Variants in ECE1 observed in about 807,000 individuals in gnomAD.
ECE1 encodes endothelin converting enzyme 1.
In ECE1, 35 loss-of-function variants were observed where a neutral mutation model predicts 98.6. The ratio of observed to expected loss-of-function variants is 0.35; its 90% CI spans 0.27 to 0.47. The LOEUF (loss-of-function observed/expected upper bound fraction) is 0.47. ECE1 is among the 20% of genes least tolerant of loss of function. The pLI is 1.00. For synonymous variants in ECE1, 394 were observed against 407.1 expected (o/e 0.97, Z 0.39); for missense variants, 814 against 1,025.3 (o/e 0.79, Z 2.81).
At chr1:21,274,809 T>C (rs2103328017) in intron 3 of ECE1, among the ~76,000 whole-genome samples, 1 of 152,302 alleles carries the variant, frequency 6.6e-6, no homozygotes, top group South Asian at 2.1e-4. Context: ...TTAAAAATTA[T>C]TGTTCACAGC....
chr1:21,326,630 G>T (rs61684599), intron 1 of ECE1, among the ~76,000 whole-genome samples: 2,893 of 152,196 alleles, frequency 0.019, 36 homozygotes, highest in Middle Eastern at 0.12. Flanking sequence ...GTTTCAGGAG[G>T]GGGATGGTTT....
In ECE1 at chr1:21,235,544, T is replaced by A. The variant is rs1055624347; in HGVS notation, c.1566+306A>T. Among the ~76,000 whole-genome samples, 16 of 152,270 alleles carry A rather than the reference T, an allele frequency of 1.1e-4. No individual in the cohort carries two copies. The East Asian group carries it at 2.9e-3, about 28-fold the overall frequency. ...TTCTGGGGTCTGTTTCCTCCATTATTTCCCACATATTAAATGGAGCTGACC... is the reference window on the plus strand; with the variant it reads ...TTCTGGGGTCTGTTTCCTCCATTATATCCCACATATTAAATGGAGCTGACC... On this transcript the variant is annotated intron_variant, in intron 13 of 18. Transcript: ENST00000374893. The surrounding 1 kb of genome is among the most constrained non-coding windows in gnomAD (Gnocchi z 4.2).
chr1:21,225,105 C>T lies in ECE1; in HGVS notation c.2040+145G>A, dbSNP rs915330411. The T allele has an allele frequency of 6.3e-6, 7 of 1,107,616 alleles. No individual in the cohort carries two copies. The highest frequency in any genetic ancestry group is 4.6e-5 in the African/African-American group (3 of 64,910). The allele number at this position is 1,107,616 out of a possible 1,614,324, so 68.6% of individuals were successfully genotyped here. On this transcript the variant is annotated intron_variant, in intron 17 of 18. Transcript: ENST00000374893. This position sits in a 1 kb window ranked among gnomAD's most constrained non-coding sequence, Gnocchi z 5.3. ...CACGGTCGGCATCGCGATTGGTCCT[C>T]GCCACCCCCAATTTCGCAGAAGAGG... is the stretch of plus-strand genomic sequence containing the variant.
intron 2 of ECE1, 185 bp from the exon 3 acceptor site, chr1:21,279,517 C>G (rs922202358): frequency 6.8e-7 from 1 of 1,460,272 alleles, no homozygotes; most frequent in Non-Finnish European, 9.1e-7. Context: ...CCCTGCTCAG[C>G]TGCTCGGATC....
intron 1 of ECE1, among the ~76,000 whole-genome samples, chr1:21,337,835 G>A (rs1188275761): frequency 6.6e-6 from 1 of 152,134 alleles, no homozygotes; most frequent in Non-Finnish European, 1.5e-5. Flanking sequence ...GTTTGAACCT[G>A]GGCCCATCAG....
chr1:21,335,826 G>A (rs1639296166), intron 1 of ECE1, among the ~76,000 whole-genome samples: 1 of 152,210 alleles, frequency 6.6e-6, no homozygotes, highest in Non-Finnish European at 1.5e-5. Flanking sequence ...GAGCTGGGAA[G>A]CTTCGACCCA....
intron 4 of ECE1, among the ~76,000 whole-genome samples, chr1:21,264,652 C>A (rs1332490007): frequency 1.3e-5 from 2 of 152,216 alleles, no homozygotes; most frequent in Non-Finnish European, 2.9e-5. Context: ...CTATATCACG[C>A]ATCCCCAACA....
chr1:21,243,028 T>C (rs1156432050), intron 10 of ECE1, among the ~76,000 whole-genome samples: 2 of 152,194 alleles, frequency 1.3e-5, no homozygotes, highest in Non-Finnish European at 2.9e-5. Context: ...TATCAGCCCT[T>C]GGCAACCACA....
Position 21,219,717 on chromosome 1 carries a change from G to C in ECE1, c.*238C>G. 1.7e-6 allele frequency: 1 copy of C among 572,706 alleles called. No individual in the cohort carries two copies. The highest frequency in any genetic ancestry group is 3.1e-6 in the Non-Finnish European group (1 of 318,330). 35.5% of individuals were successfully genotyped at this position (572,706 alleles called of 1,614,324 possible). ...CTGATGAGCCACCAGCCCAGCACCCGAATGCCTGCTGAAGGTGGCGCACAC... is the reference window on the plus strand; with the variant it reads ...CTGATGAGCCACCAGCCCAGCACCCCAATGCCTGCTGAAGGTGGCGCACAC... On this transcript the variant is annotated 3_prime_UTR_variant, in exon 19 of 19. Coordinates refer to ENST00000374893, the MANE Select transcript of ECE1 (RefSeq NM_001397.3). This position sits in a 1 kb window ranked among gnomAD's most constrained non-coding sequence, Gnocchi z 4.5.
intron 1 of ECE1, among the ~76,000 whole-genome samples, chr1:21,301,742 C>T (rs1346930145): frequency 7.2e-6 from 1 of 139,798 alleles, no homozygotes; most frequent in East Asian, 2.2e-4. Context: ...AGGGGAATTA[C>T]TTGAACCCAG....
chr1:21,235,942 C>A lies in ECE1; in HGVS notation c.1489-15G>T. On this transcript the variant is annotated splice_polypyrimidine_tract_variant and intron_variant, in intron 12 of 18. Coordinates refer to ENST00000374893, the MANE Select transcript of ECE1 (RefSeq NM_001397.3). This position sits in a 1 kb window ranked among gnomAD's most constrained non-coding sequence, Gnocchi z 4.2. ...ATGGCATCGGCCTGGACAGGACAGA[C>A]AGAGGAAGTGAGTGCCCGGCAACAT... is the stretch of plus-strand genomic sequence containing the variant. 2 of 1,613,624 alleles carry A rather than the reference C, an allele frequency of 1.2e-6. No individual in the cohort carries two copies. The highest frequency in any genetic ancestry group is 1.7e-6 in the Non-Finnish European group (2 of 1,179,498).
chr1:21,274,501 C>A (rs751827979), intron 3 of ECE1, among the ~76,000 whole-genome samples: 2 of 152,188 alleles, frequency 1.3e-5, no homozygotes, highest in Non-Finnish European at 2.9e-5. Context: ...GGACCAATTT[C>A]ACAGATTTCA....
intron 1 of ECE1, among the ~76,000 whole-genome samples, chr1:21,309,760 T>A (rs1638675162): frequency 2.6e-5 from 4 of 151,422 alleles, no homozygotes. Flanking sequence ...CAAACCCAGC[T>A]GGATTTTCTT....
rs181440367 is a variant in ECE1 at position 21,254,627 on chromosome 1, C to T, written c.1020+1320G>A. 1.5e-3 allele frequency among the ~76,000 whole-genome samples: 226 copies of T among 152,304 alleles called. 2 individuals are homozygous for T. Among genetic ancestry groups the T allele is most frequent in the African/African-American group, 4.7e-3 (194 of 41,574 alleles). On this transcript the variant is annotated intron_variant, in intron 8 of 18. Transcript: ENST00000374893. ...TCATGGCCACGGTAGGGGGCTGAGGCACTGCGGGGGCCCCTCAGGCTGAGA... is the reference window on the plus strand; with the variant it reads ...TCATGGCCACGGTAGGGGGCTGAGGTACTGCGGGGGCCCCTCAGGCTGAGA...
chr1:21,248,965 G>A (rs2098208165), intron 8 of ECE1, among the ~76,000 whole-genome samples: 1 of 152,070 alleles, frequency 6.6e-6, no homozygotes, highest in South Asian at 2.1e-4. Context: ...GGTGTCCACA[G>A]CTAGCATTTC....
chr1:21,343,435 G>A (rs1348672510), intron 1 of ECE1, among the ~76,000 whole-genome samples: 2 of 152,196 alleles, frequency 1.3e-5, no homozygotes, highest in African/African-American at 4.8e-5. Context: ...CATAGCCCTG[G>A]ACAGATGGAT....
rs368331096 is a variant in ECE1, at chr1:21,331,598, A to G, written c.3+13778T>C. On this transcript the variant is annotated intron_variant, in intron 1 of 18. Coordinates refer to the ECE1 transcript ENST00000415912. Reference sequence around the variant, plus strand: ...GCAGAGTGAGACTTCGCTAAAAAAAAGAAAAAAAAAAGCATAGACTCTGTA... The same window carrying G: ...GCAGAGTGAGACTTCGCTAAAAAAAGGAAAAAAAAAAGCATAGACTCTGTA... Among the ~76,000 whole-genome samples the G allele has an allele frequency of 2.4e-3, 361 of 151,922 alleles. 2 individuals carry two copies. The highest frequency in any genetic ancestry group is 8.4e-3 in the African/African-American group (346 of 41,394).
intron 2 of ECE1, among the ~76,000 whole-genome samples, chr1:21,285,990 CAAAA>C (rs3061092): frequency 2.9e-5 from 2 of 68,910 alleles, no homozygotes; most frequent in Non-Finnish European, 5.6e-5. Flanking sequence ...GACTCTGTCT[CAAAA>C]AAAAAAAAAA....
In ECE1 at chr1:21,247,469, C is replaced by T. The variant is rs565926924; in HGVS notation, c.1021-106G>A. On this transcript the variant is annotated intron_variant, in intron 8 of 18. Coordinates refer to ENST00000374893, the MANE Select transcript of ECE1 (RefSeq NM_001397.3). Reference sequence around the variant, plus strand: ...AGCAAAGGAAAGAGCTTGGGCTTGGCGCCATCTGACAGCGCACCGGGCAGA... The same window carrying T: ...AGCAAAGGAAAGAGCTTGGGCTTGGTGCCATCTGACAGCGCACCGGGCAGA... The T allele has an allele frequency of 2.8e-5, 44 of 1,544,712 alleles. No individual in the cohort carries two copies. In the East Asian group the frequency reaches 5.0e-4, roughly 17 times the overall value.
Sources: allele counts gnomAD v4.1 joint callset (sites outside exome capture counted in the v4.1 genomes callset), GRCh38; gene constraint gnomAD v4.1.1; non-coding constraint Gnocchi (gnomAD v3.1); transcripts MANE v1.5; gene names NCBI Gene and HGNC (gene_info 2026-07-23, HGNC 2026-07-21).